The following N4BP2L2 variants were observed in gnomAD, a reference collection of about 807,000 sequenced individuals.
N4BP2L2 encodes NEDD4 binding protein 2 like 2.
N4BP2L2 carries 50 observed loss-of-function variants against 56.2 expected under a neutral mutation model. The observed-to-expected ratio is 0.89, with a 90% CI of 0.71 to 1.13. The LOEUF (loss-of-function observed/expected upper bound fraction) is 1.13, where lower values mean the gene tolerates loss of function less well. Among genes scored for constraint, N4BP2L2 ranks in the 50% most tolerant of loss-of-function variants. The pLI is 0.00. For synonymous variants in N4BP2L2, 203 were observed against 223.6 expected, an observed-to-expected ratio of 0.91 and a Z score of 0.82; for missense variants, 689 against 693.8, an observed-to-expected ratio of 0.99 and a Z score of 0.08.
At chr13:32,451,746 T>C (rs1390616373) in intron 6 of N4BP2L2, among the ~76,000 whole-genome samples, 2 of 150,926 alleles carry the variant, frequency 1.3e-5, no homozygotes, top group African/African-American at 2.4e-5. Context: ...AAACAGGGTC[T>C]CACTATGTTC....
chr13:32,442,961 T>C (rs766397838), exon 7 of N4BP2L2: 1 of 1,613,724 alleles, frequency 6.2e-7, no homozygotes, highest in East Asian at 2.2e-5. Flanking sequence ...CCCAAAGTAA[T>C]TTTTAGTCCA....
intron 6 of N4BP2L2, among the ~76,000 whole-genome samples, chr13:32,502,305 G>T (rs2090157953): frequency 1.3e-5 from 2 of 151,876 alleles, no homozygotes; most frequent in Non-Finnish European, 1.5e-5. Flanking sequence ...TCGAACACCT[G>T]GCCTCATGTG....
intron 3 of N4BP2L2, chr13:32,522,495 C>T (rs1195932770): frequency 6.3e-6 from 2 of 315,676 alleles, no homozygotes; most frequent in Non-Finnish European, 1.1e-5. Flanking sequence ...CTGGCTTTGA[C>T]AAACTGGCTC....
At chr13:32,488,779 T>G (rs946323840) in intron 6 of N4BP2L2, among the ~76,000 whole-genome samples, 1 of 152,078 alleles carries the variant, frequency 6.6e-6, no homozygotes, top group Non-Finnish European at 1.5e-5. Context: ...AATAAATAAA[T>G]GCACTCCAAA....
chr13:32,525,998 C>A (rs1166959434), intron 3 of N4BP2L2, among the ~76,000 whole-genome samples: 1 of 114,798 alleles, frequency 8.7e-6, no homozygotes. Flanking sequence ...CTCACCATTA[C>A]TAAGAACAGG....
intron 2 of N4BP2L2, among the ~76,000 whole-genome samples, chr13:32,529,261 T>C (rs1191559791): frequency 6.6e-6 from 1 of 152,238 alleles, no homozygotes; most frequent in Non-Finnish European, 1.5e-5. Flanking sequence ...TGAACGTAAT[T>C]GCAGTTTTTG....
In N4BP2L2 at chr13:32,520,766, T is replaced by C. The variant is rs533846844; in HGVS notation, c.1550+607A>G. Among the ~76,000 whole-genome samples, 5 of 150,454 alleles carry C rather than the reference T, an allele frequency of 3.3e-5. No individual in the cohort carries two copies. The South Asian group carries it at 6.3e-4, about 19-fold the overall frequency. ...CAAATGGAAGAGTTAGGACTGAAAATAGAAGTTCACAATCTCTCACCACAA... is the reference window on the plus strand; with the variant it reads ...CAAATGGAAGAGTTAGGACTGAAAACAGAAGTTCACAATCTCTCACCACAA... On this transcript the variant is annotated intron_variant, in intron 5 of 5. Coordinates refer to ENST00000267068, the Ensembl canonical transcript of N4BP2L2.
chr13:32,436,649 G>A (rs1184076996), intron 8 of N4BP2L2, among the ~76,000 whole-genome samples: 3 of 151,806 alleles, frequency 2.0e-5, no homozygotes, highest in Admixed American at 2.0e-4. Context: ...AATTAGCTGG[G>A]TATGGTGGTG....
chr13:32,508,779 T>G (rs138580310), downstream of N4BP2L2: 116 of 151,984 alleles, frequency 7.6e-4, no homozygotes, highest in African/African-American at 2.6e-3. Flanking sequence ...GTGTTTTCTT[T>G]TTTTAAGTTA....
At chr13:32,526,833 T>TTTTTTTTTTTTTTTG (rs2053079884) in intron 3 of N4BP2L2, 1 of 143,112 alleles carries the variant, frequency 7.0e-6, no homozygotes, top group Non-Finnish European at 1.5e-5. Flanking sequence ...TTTTTTTTTT[T>TTTTTTTTTTTTTTTG]TTTTTTTTTT....
intron 9 of N4BP2L2, among the ~76,000 whole-genome samples, chr13:32,433,659 G>A (rs2075093327): frequency 6.6e-6 from 1 of 151,392 alleles, no homozygotes. Flanking sequence ...GGGCACGGTG[G>A]CTCATGCCTG....
intron 9 of N4BP2L2, among the ~76,000 whole-genome samples, chr13:32,434,580 G>T (rs947898934): frequency 6.6e-6 from 1 of 152,060 alleles, no homozygotes; most frequent in Admixed American, 6.6e-5. Context: ...CCCCACTGCC[G>T]TAAAGGAGTG....
chr13:32,538,215 C>A (rs980516814), intron 1 of N4BP2L2, among the ~76,000 whole-genome samples: 8 of 152,158 alleles, frequency 5.3e-5, no homozygotes, highest in African/African-American at 1.9e-4. Context: ...AGGCGAACTA[C>A]AGAATGATGC....
intron 6 of N4BP2L2, among the ~76,000 whole-genome samples, chr13:32,487,466 C>G (rs2086126917): frequency 7.8e-6 from 1 of 128,006 alleles, no homozygotes; most frequent in Non-Finnish European, 1.6e-5. Flanking sequence ...GAGACCCTGT[C>G]TTAAAAAAAA....
chr13:32,489,021 T>C (rs369175904), intron 6 of N4BP2L2, among the ~76,000 whole-genome samples: 2 of 152,076 alleles, frequency 1.3e-5, no homozygotes, highest in East Asian at 1.9e-4. Flanking sequence ...TGCAGTGAGC[T>C]GAGATTGCAC....
intron 6 of N4BP2L2, among the ~76,000 whole-genome samples, chr13:32,488,612 G>T (rs1341717232): frequency 6.6e-6 from 1 of 151,896 alleles, no homozygotes; most frequent in Non-Finnish European, 1.5e-5. Flanking sequence ...TTTAATAAAG[G>T]TATGTATATG....
chr13:32,456,086 A>G (rs1275659689), intron 6 of N4BP2L2, among the ~76,000 whole-genome samples: 2 of 152,138 alleles, frequency 1.3e-5, no homozygotes, highest in Admixed American at 6.5e-5. Flanking sequence ...TCATATTGGG[A>G]CCCACTAACA....
At chr13:32,465,746 T>C (rs928321803) in intron 6 of N4BP2L2, among the ~76,000 whole-genome samples, 2 of 152,136 alleles carry the variant, frequency 1.3e-5, no homozygotes, top group African/African-American at 4.8e-5. Context: ...CTCTGTCTCC[T>C]GACTTCAAGC....
chr13:32,446,482 T>C (rs2138367653), intron 6 of N4BP2L2: 1 of 1,323,442 alleles, frequency 7.6e-7, no homozygotes, highest in South Asian at 1.2e-5. Context: ...TGAACCATCC[T>C]GTTGCAGGGC....
Sources: gnomAD v4.1 joint callset for allele counts (sites outside exome capture counted in the v4.1 genomes callset) on GRCh38, gnomAD v4.1.1 for gene constraint, MANE v1.5 for transcripts, NCBI Gene and HGNC (gene_info 2026-07-23, HGNC 2026-07-21) for gene names.